Variants in SORCS1 observed in about 807,000 individuals in gnomAD.
SORCS1 encodes the protein sortilin related VPS10 domain containing receptor 1.
A neutral mutation model predicts 146.1 loss-of-function variants in SORCS1; 60 were observed. The observed-to-expected ratio is 0.41, with a 90% CI of 0.33 to 0.51. SORCS1 has a LOEUF of 0.51. Ranked by LOEUF, SORCS1 falls within the 20% of genes least tolerant of loss-of-function variation. SORCS1 has a pLI of 0.21. For missense variants in SORCS1, 1,352 were observed against 1,487.6 expected (o/e 0.91, Z 1.50); for synonymous variants, 637 against 584.0 (o/e 1.09, Z -1.31).
rs1250857995 is a variant in SORCS1, at chr10:106,797,061, C to G, written c.727-20369G>C. On this transcript the variant is annotated intron_variant, in intron 3 of 25. Coordinates refer to ENST00000263054, the MANE Select transcript of SORCS1 (RefSeq NM_052918.5). Reference sequence around the variant, plus strand: ...GACGGAGGTTGCAGTAAGCCGGGATCACGCCACTGCACTCCAGCATGGGCG... The same window carrying G: ...GACGGAGGTTGCAGTAAGCCGGGATGACGCCACTGCACTCCAGCATGGGCG... Among the ~76,000 whole-genome samples the G allele has an allele frequency of 4.6e-5, 7 of 152,114 alleles. No homozygotes were observed. In the East Asian group the frequency reaches 1.4e-3, roughly 29 times the overall value.
intron 1 of SORCS1, among the ~76,000 whole-genome samples, chr10:107,107,471 A>G (rs1353912797): frequency 1.3e-5 from 2 of 152,222 alleles, no homozygotes; most frequent in Non-Finnish European, 2.9e-5. Context: ...AGGCAATCGG[A>G]TACTAGGCTG....
At chr10:106,770,760 G>A (rs1859960979) in intron 4 of SORCS1, among the ~76,000 whole-genome samples, 1 of 152,224 alleles carries the variant, frequency 6.6e-6, no homozygotes, top group Non-Finnish European at 1.5e-5. Flanking sequence ...TACATGGCAA[G>A]AACAGCAGGC....
chr10:107,050,360 A>T (rs1959990014), intron 1 of SORCS1, among the ~76,000 whole-genome samples: 1 of 152,134 alleles, frequency 6.6e-6, no homozygotes, highest in South Asian at 2.1e-4. Context: ...AAAGAACAGG[A>T]GTGTATGCTT....
At chr10:106,695,606 C>T (rs75793910) in intron 9 of SORCS1, among the ~76,000 whole-genome samples, 2 of 152,314 alleles carry the variant, frequency 1.3e-5, no homozygotes, top group Non-Finnish European at 2.9e-5. Context: ...GTCCCTACCT[C>T]ATAATGTATG....
chr10:106,910,953 A>G (rs1952121119), intron 2 of SORCS1, among the ~76,000 whole-genome samples: 1 of 152,212 alleles, frequency 6.6e-6, no homozygotes, highest in African/African-American at 2.4e-5. Context: ...TTCAACTATG[A>G]TAATTACCTG....
At chr10:107,002,801 A>C (rs1004932570) in intron 1 of SORCS1, among the ~76,000 whole-genome samples, 1 of 152,184 alleles carries the variant, frequency 6.6e-6, no homozygotes, top group East Asian at 1.9e-4. Flanking sequence ...AACAAGGGTT[A>C]TTTTTAAACA....
At chr10:106,884,910 T>C (rs1197932822) in intron 2 of SORCS1, among the ~76,000 whole-genome samples, 1 of 152,222 alleles carries the variant, frequency 6.6e-6, no homozygotes, top group Non-Finnish European at 1.5e-5. Flanking sequence ...TGTGAACATC[T>C]ATTACTAGGA....
At chr10:106,883,321 C>G (rs949281773) in intron 2 of SORCS1, among the ~76,000 whole-genome samples, 5 of 152,048 alleles carry the variant, frequency 3.3e-5, no homozygotes, top group African/African-American at 1.2e-4. Flanking sequence ...TTTCTTTTAC[C>G]CTTCGATCTT....
rs148847649 is a variant in SORCS1 at position 106,665,446 on chromosome 10, C to G, written c.2303+2243G>C. Reference sequence around the variant, plus strand: ...CTATGTTGTCCAGGGTGGCCTTGAACTCCTGGACCCAAACGATCCTTCCAC... The same window carrying G: ...CTATGTTGTCCAGGGTGGCCTTGAAGTCCTGGACCCAAACGATCCTTCCAC... On this transcript the variant is annotated intron_variant, in intron 17 of 25. Transcript: ENST00000263054. Among the ~76,000 whole-genome samples, 389 of 148,880 alleles carry G rather than the reference C, an allele frequency of 2.6e-3. 4 individuals carry two copies. Among genetic ancestry groups the G allele is most frequent in the African/African-American group, 9.3e-3 (374 of 40,300 alleles).
chr10:106,804,410 T>C (rs1329816531), intron 3 of SORCS1, among the ~76,000 whole-genome samples: 1 of 149,646 alleles, frequency 6.7e-6, no homozygotes, highest in Non-Finnish European at 1.5e-5. Context: ...ATTGAAAATC[T>C]TAACAATTTA....
At chr10:106,935,522 AG>A (rs1953670438) in intron 2 of SORCS1, among the ~76,000 whole-genome samples, 2 of 152,224 alleles carry the variant, frequency 1.3e-5, no homozygotes, top group South Asian at 4.1e-4. Context: ...AATTCCTAGA[AG>A]AAATAGGAAC....
At chr10:106,992,067 A>G (rs1257307994) in intron 1 of SORCS1, among the ~76,000 whole-genome samples, 1 of 152,170 alleles carries the variant, frequency 6.6e-6, no homozygotes, top group Admixed American at 6.5e-5. Context: ...GAGTGAAGAG[A>G]GATATAGAAA....
At chr10:107,089,598 G>A (rs1000174793) in intron 1 of SORCS1, among the ~76,000 whole-genome samples, 4 of 151,698 alleles carry the variant, frequency 2.6e-5, no homozygotes, top group African/African-American at 7.3e-5. Context: ...CTTGAACAGG[G>A]GACTCAAACT....
chr10:106,678,342 T>C (rs952072922), intron 12 of SORCS1, among the ~76,000 whole-genome samples: 1 of 152,062 alleles, frequency 6.6e-6, no homozygotes, highest in East Asian at 1.9e-4. Context: ...TGCTATGGAG[T>C]TTCTTATGCA....
chr10:106,920,618 T>G lies in SORCS1; in HGVS notation c.626+35895A>C, dbSNP rs530293268. On this transcript the variant is annotated intron_variant, in intron 2 of 25. Coordinates refer to ENST00000263054, the MANE Select transcript of SORCS1 (RefSeq NM_052918.5). ...GTCATCTGCTCTTTAATGAGCCTAA[T>G]GGAGTTTCTTGACTCAACTTGCCGC... Among the ~76,000 whole-genome samples the G allele has an allele frequency of 1.1e-4, 17 of 152,276 alleles. No homozygotes were observed. In the East Asian group the frequency reaches 3.3e-3, roughly 29 times the overall value.
At chr10:107,001,655 G>A (rs1299106292) in intron 1 of SORCS1, among the ~76,000 whole-genome samples, 1 of 152,132 alleles carries the variant, frequency 6.6e-6, no homozygotes, top group Non-Finnish European at 1.5e-5. Flanking sequence ...GCAGAGACAG[G>A]GTTTCATCAT....
intron 3 of SORCS1, among the ~76,000 whole-genome samples, chr10:106,808,419 GTGT>G (rs1414821705): frequency 2.0e-5 from 3 of 152,220 alleles, no homozygotes; most frequent in African/African-American, 7.2e-5. Flanking sequence ...AACAGAATAT[GTGT>G]TATTATCAAT....
chr10:106,595,015 T>C (rs1379406119), intron 24 of SORCS1, among the ~76,000 whole-genome samples: 4 of 152,208 alleles, frequency 2.6e-5, no homozygotes. Flanking sequence ...ACAACTCTTG[T>C]TTCTGGAATT....
chr10:106,929,941 CT>C (rs1953309631), intron 2 of SORCS1, among the ~76,000 whole-genome samples: 1 of 152,236 alleles, frequency 6.6e-6, no homozygotes, highest in Admixed American at 6.5e-5. Flanking sequence ...GGGAGGACCT[CT>C]TTTGCTTAAG....
Sources: allele counts gnomAD v4.1 joint callset (sites outside exome capture counted in the v4.1 genomes callset), GRCh38; gene constraint gnomAD v4.1.1; transcripts MANE v1.5; gene names NCBI Gene and HGNC (gene_info 2026-07-23, HGNC 2026-07-21).